The following UGGT2 variants were observed in gnomAD, a reference collection of about 807,000 sequenced individuals.
The protein encoded by UGGT2 is UDP-glucose glycoprotein glucosyltransferase 2, also known as UDP-glucose:glycoprotein glucosyltransferase 2.
Under a neutral mutation model 192.1 loss-of-function variants are expected in UGGT2, and 180 were observed. The observed-to-expected ratio is 0.94, with a 90% confidence interval of 0.83 to 1.06. The LOEUF (loss-of-function observed/expected upper bound fraction) is 1.06. UGGT2 is among the 50% of genes least tolerant of loss of function. The probability of loss-of-function intolerance (pLI) is 0.00; values close to 1 mark genes in which losing one functional copy is unlikely to be tolerated. For synonymous variants in UGGT2, 580 were observed against 591.0 expected, an observed-to-expected ratio of 0.98 and a Z score of 0.27; for missense variants, 1,849 against 1,795.7, an observed-to-expected ratio of 1.03 and a Z score of -0.54.
At chr13:95,985,214 A>G in intron 9 of UGGT2, 2 of 1,083,766 alleles carry the variant, frequency 1.8e-6, no homozygotes, top group Non-Finnish European at 1.2e-6. Flanking sequence ...TATTATGGCT[A>G]AACAGATATG....
rs1594276433 is a variant in UGGT2, at chr13:95,902,967, C to A, written c.2389G>T (p.Ala797Ser). ...AACATGTTCTTCTGTGTAAGAAAAGCTGCCAAAATTCCTCTAGAAATAGCT... is the reference window on the plus strand; with the variant it reads ...AACATGTTCTTCTGTGTAAGAAAAGATGCCAAAATTCCTCTAGAAATAGCT... ...NTAISRGILA[A>S]FLTQKNMFLR... The change falls in exon 21 of 39, where the codon GCT becomes TCT. Residue 797 changes from alanine to serine, a missense_variant. Coordinates refer to ENST00000376747, the MANE Select transcript of UGGT2 (RefSeq NM_020121.4). 6.2e-7 allele frequency: 1 copy of A among 1,613,406 alleles called. No individual in the cohort carries two copies. The highest frequency in any genetic ancestry group is 8.5e-7 in the Non-Finnish European group (1 of 1,179,726).
chr13:96,026,329 GA>G, intron 2 of UGGT2, among the ~76,000 whole-genome samples: 1 of 152,162 alleles, frequency 6.6e-6, no homozygotes, highest in East Asian at 1.9e-4. Flanking sequence ...ATATAACCAA[GA>G]AATAATTGGA....
intron 10 of UGGT2, among the ~76,000 whole-genome samples, chr13:95,981,982 A>G (rs1185558983): frequency 2.0e-5 from 3 of 152,228 alleles, no homozygotes; most frequent in Non-Finnish European, 4.4e-5. Context: ...TGGAAGTAGT[A>G]GGTGATCAAG....
chr13:95,929,855 CTA>C (rs2049183125), intron 17 of UGGT2, among the ~76,000 whole-genome samples: 1 of 152,178 alleles, frequency 6.6e-6, no homozygotes, highest in Non-Finnish European at 1.5e-5. Context: ...TTTGAAACAT[CTA>C]CAAACTGCTT....
In UGGT2 at chr13:95,856,205, G is replaced by T; in HGVS notation, c.3961C>A (p.Leu1321Ile). The T allele has an allele frequency of 1.2e-6, 2 of 1,613,292 alleles. No individual in the cohort carries two copies. The highest frequency in any genetic ancestry group is 1.7e-6 in the Non-Finnish European group (2 of 1,179,682). The change falls in exon 34 of 39, where the codon CTT (leucine) becomes ATT (isoleucine). Residue 1321 changes from leucine to isoleucine, a missense_variant. Coordinates refer to ENST00000376747, the MANE Select transcript of UGGT2 (RefSeq NM_020121.4). ...ATTTTGTCCACTGCTAGTGGGAAAA[G>T]AACATCAAGGAAAAGAATTTTGTAA... ...WGYKILFLDV[L>I]FPLAVDKIIF...
chr13:95,807,077 C>G (rs1292418929), intron 38 of UGGT2, among the ~76,000 whole-genome samples: 2 of 152,150 alleles, frequency 1.3e-5, no homozygotes, highest in South Asian at 4.2e-4. Flanking sequence ...TTACTAATAG[C>G]CTACTGTTGA....
chr13:95,849,542 CAAA>C (rs35734084), intron 36 of UGGT2, among the ~76,000 whole-genome samples: 9 of 103,918 alleles, frequency 8.7e-5, no homozygotes, highest in Non-Finnish European at 9.8e-5. Flanking sequence ...GACTCTGTCT[CAAA>C]AAAAAAAAAA....
At chr13:95,821,495 A>G (rs1251797079) in intron 38 of UGGT2, among the ~76,000 whole-genome samples, 1 of 152,064 alleles carries the variant, frequency 6.6e-6, no homozygotes, top group Non-Finnish European at 1.5e-5. Context: ...TGTTAGATGC[A>G]TAGTTCACAA....
intron 33 of UGGT2, chr13:95,856,596 T>G: frequency 2.2e-6 from 1 of 460,242 alleles, no homozygotes; most frequent in Non-Finnish European, 3.9e-6. Flanking sequence ...TTTAACAAAC[T>G]TATTAATGGA....
chr13:95,882,817 T>C (rs189059766), intron 27 of UGGT2, among the ~76,000 whole-genome samples: 77 of 152,330 alleles, frequency 5.1e-4, no homozygotes, highest in Admixed American at 1.4e-3. Context: ...AAATCTTTCT[T>C]AAGCTGTACT....
intron 37 of UGGT2, among the ~76,000 whole-genome samples, chr13:95,834,195 A>C (rs1887031403): frequency 6.8e-6 from 1 of 147,544 alleles, no homozygotes; most frequent in Admixed American, 6.9e-5. Flanking sequence ...TGTTTTGTTT[A>C]GCTATTTGTA....
At chr13:95,829,441 C>A (rs970716486) in intron 38 of UGGT2, among the ~76,000 whole-genome samples, 1 of 152,202 alleles carries the variant, frequency 6.6e-6, no homozygotes, top group Non-Finnish European at 1.5e-5. Context: ...AACCCCAAAT[C>A]TCCTTAAGCT....
rs539665085 is a variant in UGGT2, at chr13:95,877,118, G to A, written c.3473+161C>T. ...AGGCAGGTCTTGAACTCCTGGCCTT[G>A]TGATCTGCCTGCCTCGGCCTACCAA... On this transcript the variant is annotated intron_variant, in intron 29 of 38. Coordinates refer to ENST00000376747, the MANE Select transcript of UGGT2 (RefSeq NM_020121.4). The A allele has an allele frequency of 1.2e-5, 6 of 494,128 alleles. No homozygotes were observed. The East Asian group carries it at 2.0e-4, about 17-fold the overall frequency. The allele number at this position is 494,128 out of a possible 1,614,324, so 30.6% of individuals were successfully genotyped here.
intron 36 of UGGT2, among the ~76,000 whole-genome samples, chr13:95,852,747 G>A (rs1051304332): frequency 1.3e-5 from 2 of 152,114 alleles, no homozygotes; most frequent in African/African-American, 4.8e-5. Flanking sequence ...GCAATAATGA[G>A]GAAATTGATA....
intron 1 of UGGT2, among the ~76,000 whole-genome samples, chr13:96,039,485 T>C (rs2053103309): frequency 6.6e-6 from 1 of 152,170 alleles, no homozygotes; most frequent in African/African-American, 2.4e-5. Context: ...ATGCTTAACC[T>C]GTTCAGCAAA....
chr13:95,941,077 T>C (rs577743428), intron 15 of UGGT2, among the ~76,000 whole-genome samples: 55 of 152,312 alleles, frequency 3.6e-4, no homozygotes, highest in Non-Finnish European at 5.6e-4. Context: ...CCAAGAGAGA[T>C]GGCATCTCTT....
chr13:95,834,362 TACTG>T (rs1445452147), intron 37 of UGGT2, among the ~76,000 whole-genome samples: 1 of 151,978 alleles, frequency 6.6e-6, no homozygotes, highest in African/African-American at 2.4e-5. Flanking sequence ...GGTGGGGTGC[TACTG>T]CCATCTAGTG....
At chr13:95,939,282 C>T (rs1166027355) in intron 16 of UGGT2, among the ~76,000 whole-genome samples, 1 of 152,118 alleles carries the variant, frequency 6.6e-6, no homozygotes, top group Non-Finnish European at 1.5e-5. Flanking sequence ...CTAACTTTTC[C>T]TCCTGCTTCA....
chr13:95,827,800 C>T (rs1004826504), intron 38 of UGGT2, among the ~76,000 whole-genome samples: 1 of 152,078 alleles, frequency 6.6e-6, no homozygotes, highest in African/African-American at 2.4e-5. Context: ...CATTTGCATC[C>T]CCATTGTTCT....
Sources: allele counts gnomAD v4.1 joint callset (sites outside exome capture counted in the v4.1 genomes callset), GRCh38; gene constraint gnomAD v4.1.1; transcripts MANE v1.5; gene names NCBI Gene and HGNC (gene_info 2026-07-23, HGNC 2026-07-21).